DPY30: variants seen among roughly 807,000 people sequenced by gnomAD.
The protein encoded by DPY30 is protein dpy-30 homolog.
Under a neutral mutation model 16.2 loss-of-function variants are expected in DPY30, and 6 were observed. The ratio of observed to expected loss-of-function variants is 0.37; its 90% confidence interval spans 0.20 to 0.73. The LOEUF is 0.73. Ranked by LOEUF, DPY30 falls within the 30% of genes least tolerant of loss-of-function variation. The pLI is 0.51. For synonymous variants in DPY30, 39 were observed against 38.8 expected (o/e 1.00, Z -0.02); for missense variants, 73 against 113.1 (o/e 0.65, Z 1.61).
intron 5 of DPY30, among the ~76,000 whole-genome samples, chr2:32,017,446 G>C (rs1430354345): frequency 6.6e-6 from 1 of 151,744 alleles, no homozygotes; most frequent in Non-Finnish European, 1.5e-5. Flanking sequence ...GTGAAACCCA[G>C]TCTTTACTAA....
At position 32,039,794 on chromosome 2, in the gene DPY30, A is replaced by T. The variant is rs1373725572; in HGVS notation, c.-98T>A. On this transcript the variant is annotated 5_prime_UTR_variant, in exon 1 of 5. Coordinates refer to ENST00000342166, the MANE Select transcript of DPY30 (RefSeq NM_001321209.2). ...CGCGCCACCAGCTCCCAGCACAAAC[A>T]GCTCCGGCCGTAAGTGACGGCTGTC... 1.0e-5 allele frequency: 4 copies of T among 385,470 alleles called. No individual in the cohort carries two copies. Among genetic ancestry groups the T allele is most frequent in the East Asian group, 9.1e-5 (2 of 22,006 alleles). The allele number at this position is 385,470 out of a possible 1,614,324, so 23.9% of individuals were successfully genotyped here. A position where few individuals can be genotyped will look rare whatever the true frequency, so the allele number is the denominator to read the frequency against.
Position 32,028,226 on chromosome 2 carries a change from C to A in DPY30, c.227+1368G>T, listed in dbSNP as rs371744557. Among the ~76,000 whole-genome samples, 9 of 151,588 alleles carry A rather than the reference C, an allele frequency of 5.9e-5. No homozygotes were observed. In the East Asian group the frequency reaches 1.4e-3, roughly 23 times the overall value. On this transcript the variant is annotated intron_variant, in intron 4 of 4. Coordinates refer to ENST00000342166, the MANE Select transcript of DPY30 (RefSeq NM_001321209.2). The stretch of plus-strand genomic sequence containing the variant: ...CCTGGGCCCAAGCCCAAGCGATCCT[C>A]CCACCTTGGCCTCCCAAGCAGTGCG...
At chr2:32,039,360 G>A (rs778185221) in intron 2 of DPY30, 34 bp from the exon 3 acceptor site, 16 of 1,614,078 alleles carry the variant, frequency 9.9e-6, no homozygotes, top group Non-Finnish European at 1.4e-5. Context: ...AGAGATATAA[G>A]TCCCCCCTTT....
rs397984233 is a variant in DPY30, at chr2:32,012,419, C to CTTT, written n.378-370_378-368dup. Among the ~76,000 whole-genome samples, 173 of 81,700 alleles carry CTTT rather than the reference C, an allele frequency of 2.1e-3. 3 individuals are homozygous for CTTT. Among genetic ancestry groups the CTTT allele is most frequent in the African/African-American group, 3.2e-3 (68 of 21,292 alleles). The allele number at this position is 81,700 out of a possible 152,430, so 53.6% of individuals were successfully genotyped here. A position where few individuals can be genotyped will look rare whatever the true frequency, so the allele number is the denominator to read the frequency against. On this transcript the variant is annotated intron_variant and non_coding_transcript_variant, in intron 5 of 5. Transcript: ENST00000414013. ...TGTATCCAAAACCTCTCTCTTTTTTCTTTTTTTTTTTTTTTTTTTTTTTTT... is the reference window on the plus strand; with the variant it reads ...TGTATCCAAAACCTCTCTCTTTTTTCTTTTTTTTTTTTTTTTTTTTTTTTTTTT...
chr2:32,038,062 T>C (rs1675813508), intron 3 of DPY30, among the ~76,000 whole-genome samples: 2 of 151,776 alleles, frequency 1.3e-5, no homozygotes, highest in Non-Finnish European at 2.9e-5. Context: ...GAAAGTATGT[T>C]GGGAGCTGTA....
chr2:32,029,448 T>A lies in DPY30; in HGVS notation c.227+146A>T, dbSNP rs189032488. 6.5e-6 allele frequency: 6 copies of A among 922,472 alleles called. No individual in the cohort carries two copies. The South Asian group carries it at 1.2e-4, about 19-fold the overall frequency. The allele number at this position is 922,472 out of a possible 1,614,324, so 57.1% of individuals were successfully genotyped here. On this transcript the variant is annotated intron_variant, in intron 4 of 4. Coordinates refer to ENST00000342166, the MANE Select transcript of DPY30 (RefSeq NM_001321209.2). Reference sequence around the variant, plus strand: ...GGAAAAAATTTAAATGTCTGAATTATGAGATTATGGCTGAATACTTTCTTA... The same window carrying A: ...GGAAAAAATTTAAATGTCTGAATTAAGAGATTATGGCTGAATACTTTCTTA...
chr2:32,035,355 G>A (rs1675695376), intron 3 of DPY30, among the ~76,000 whole-genome samples: 1 of 152,046 alleles, frequency 6.6e-6, no homozygotes, highest in South Asian at 2.1e-4. Context: ...TGTAATCCCA[G>A]CACTTTGGGA....
At chr2:32,024,385 A>G in intron 4 of DPY30, 129 bp from the exon 5 acceptor site, 1 of 708,896 alleles carries the variant, frequency 1.4e-6, no homozygotes. Context: ...GGACATTTGT[A>G]GTAAATAAAA....
At chr2:32,036,868 C>CA (rs915110541) in intron 3 of DPY30, among the ~76,000 whole-genome samples, 11 of 147,804 alleles carry the variant, frequency 7.4e-5, no homozygotes, top group Admixed American at 7.4e-4. Flanking sequence ...GACTCTGTTT[C>CA]AAAAAAAAGA....
intron 3 of DPY30, 99 bp from the exon 4 acceptor site, chr2:32,029,835 C>A: frequency 1.5e-6 from 2 of 1,319,510 alleles, no homozygotes; most frequent in Non-Finnish European, 1.1e-6. Context: ...ATAGAAAAGG[C>A]AAATCAATGA....
intron 3 of DPY30, among the ~76,000 whole-genome samples, chr2:32,038,421 G>C (rs1312960137): frequency 1.2e-5 from 1 of 83,156 alleles, no homozygotes; most frequent in African/African-American, 4.7e-5. Context: ...GGGGGGGGGG[G>C]CGGGGGGAGG....
At chr2:32,022,486 C>A (rs182241491), downstream of DPY30, among the ~76,000 whole-genome samples, 1 of 151,510 alleles carries the variant, frequency 6.6e-6, no homozygotes, top group East Asian at 1.9e-4. Flanking sequence ...TAAGGCATAC[C>A]TAATCAGCAT....
intron 5 of DPY30, among the ~76,000 whole-genome samples, chr2:32,017,275 A>G (rs929697932): frequency 2.6e-5 from 4 of 152,212 alleles, no homozygotes; most frequent in African/African-American, 9.6e-5. Context: ...TACACTGAAT[A>G]ATGCCCATGA....
At chr2:32,013,189 A>G (rs372571878) in intron 5 of DPY30, 3 of 152,230 alleles carry the variant, frequency 2.0e-5, no homozygotes, top group African/African-American at 7.2e-5. Context: ...AAAATGCTTC[A>G]TAAGCTGTTC....
chr2:32,028,796 C>T (rs1675426616), intron 4 of DPY30, among the ~76,000 whole-genome samples: 1 of 151,368 alleles, frequency 6.6e-6, no homozygotes, highest in Non-Finnish European at 1.5e-5. Flanking sequence ...AACCCTGTTT[C>T]TACTAAAAAT....
At chr2:32,030,605 G>C (rs1195397377) in intron 3 of DPY30, among the ~76,000 whole-genome samples, 1 of 150,918 alleles carries the variant, frequency 6.6e-6, no homozygotes, top group Non-Finnish European at 1.5e-5. Context: ...ACTCCAGCCT[G>C]GGCGACAGAG....
At chr2:32,023,553 T>G (rs183113137), downstream of DPY30, 9 of 525,978 alleles carry the variant, frequency 1.7e-5, no homozygotes, top group East Asian at 6.2e-4. Context: ...GTACTATGCC[T>G]GAAACTTAGT....
downstream of DPY30, chr2:32,023,744 G>A (rs1188006303): frequency 1.5e-6 from 2 of 1,304,632 alleles, no homozygotes. Context: ...AAACAATGCT[G>A]AGAAAAATTG....
intron 3 of DPY30, among the ~76,000 whole-genome samples, chr2:32,037,291 A>G (rs180892907): frequency 6.6e-6 from 1 of 152,076 alleles, no homozygotes; most frequent in Non-Finnish European, 1.5e-5. Flanking sequence ...TATTGTTTAC[A>G]TATCTTTAAA....
Sources: gnomAD v4.1 joint callset for allele counts (sites outside exome capture counted in the v4.1 genomes callset) on GRCh38, gnomAD v4.1.1 for gene constraint, MANE v1.5 for transcripts, NCBI Gene and HGNC (gene_info 2026-07-23, HGNC 2026-07-21) for gene names.